Variants in APPL2 observed in about 807,000 individuals in gnomAD.
APPL2 encodes the protein adaptor protein, phosphotyrosine interacting with PH domain and leucine zipper 2, also known as DCC-interacting protein 13-beta.
A neutral mutation model predicts 92.7 loss-of-function variants in APPL2; 84 were observed. The ratio of observed to expected loss-of-function variants is 0.91; its 90% CI spans 0.76 to 1.09. APPL2 has a LOEUF of 1.09. Among genes scored for constraint, APPL2 ranks in the 50% least tolerant of loss-of-function variants. The pLI is 0.00. For missense variants in APPL2, 736 were observed against 824.5 expected (o/e 0.89, Z 1.31); for synonymous variants, 291 against 291.0 (o/e 1.00, Z 0.00).
chr12:105,233,229 C>G, intron 1 of APPL2: 2 of 985,446 alleles, frequency 2.0e-6, no homozygotes, highest in South Asian at 4.7e-5. Flanking sequence ...GTGAACCAGT[C>G]AAGGGTAGTC....
At chr12:105,220,075 A>C (rs183982422) in intron 2 of APPL2, among the ~76,000 whole-genome samples, 1 of 152,354 alleles carries the variant, frequency 6.6e-6, no homozygotes, top group Admixed American at 6.5e-5. Context: ...TGAAGCACTG[A>C]GAGATTAAGC....
At chr12:105,177,137 T>C in intron 18 of APPL2, 89 bp downstream of exon 18, 1 of 1,597,342 alleles carries the variant, frequency 6.3e-7, no homozygotes, top group Non-Finnish European at 8.6e-7. Flanking sequence ...GGCAGATCTT[T>C]ATTAATAAAG....
intron 17 of APPL2, among the ~76,000 whole-genome samples, chr12:105,177,722 CTT>C (rs1419398396): frequency 2.0e-5 from 3 of 152,128 alleles, no homozygotes; most frequent in African/African-American, 7.2e-5. Context: ...TGACAAAACT[CTT>C]ATCAATTTGG....
chr12:105,176,301 G>GT (rs1885539729), intron 19 of APPL2: 3 of 551,288 alleles, frequency 5.4e-6, no homozygotes, highest in Non-Finnish European at 9.4e-6. Context: ...AATATTCCAG[G>GT]TAAGTGAAAC....
intron 4 of APPL2, among the ~76,000 whole-genome samples, chr12:105,213,905 GGCTGGGC>G (rs1452365009): frequency 6.6e-6 from 1 of 152,168 alleles, no homozygotes. Context: ...CCACACTTCT[GGCTGGGC>G]GTGGTGGCTC....
At chr12:105,217,557 T>C (rs1455000654) in intron 3 of APPL2, 109 bp downstream of exon 3, 9 of 1,078,820 alleles carry the variant, frequency 8.3e-6, no homozygotes, top group African/African-American at 1.6e-5. Flanking sequence ...AAAAAAACTA[T>C]GAAGAAAATG....
intron 1 of APPL2, among the ~76,000 whole-genome samples, chr12:105,232,782 AAAAAG>A: frequency 6.6e-6 from 1 of 151,610 alleles, no homozygotes; most frequent in Non-Finnish European, 1.5e-5. Context: ...AAAAAAAAAA[AAAAAG>A]AACCAAGTCT....
chr12:105,174,876 T>TGGGGGGGGGGGGGG (rs59473626), intron 20 of APPL2, among the ~76,000 whole-genome samples: 10 of 88,996 alleles, frequency 1.1e-4, no homozygotes, highest in African/African-American at 1.9e-4. Context: ...TTTTTTTTGG[T>TGGGGGGGGGGGGGG]GGGGGGGGGG....
intron 17 of APPL2, among the ~76,000 whole-genome samples, chr12:105,184,972 G>A (rs902542810): frequency 3.9e-5 from 6 of 152,214 alleles, no homozygotes; most frequent in Admixed American, 1.3e-4. Context: ...GAGGAATCTA[G>A]AGAGGCAGTC....
rs533538319 is a variant in APPL2, at chr12:105,209,158, C to T, written c.374-959G>A. Among the ~76,000 whole-genome samples, 3 of 152,090 alleles carry T rather than the reference C, an allele frequency of 2.0e-5. No homozygotes were observed. The East Asian group carries it at 5.8e-4, about 29-fold the overall frequency. The stretch of plus-strand genomic sequence containing the variant: ...TAAGTAGTTTCCTTAATATCTCTTG[C>T]GTTCTCTTCATTCAGATTATGTACT... On this transcript the variant is annotated intron_variant, in intron 5 of 20. Transcript: ENST00000258530.
At chr12:105,213,393 G>A (rs1889379399) in intron 4 of APPL2, among the ~76,000 whole-genome samples, 1 of 152,184 alleles carries the variant, frequency 6.6e-6, no homozygotes, top group Admixed American at 6.6e-5. Flanking sequence ...TATAGAAAAT[G>A]GGGACAACAG....
At chr12:105,199,599 G>T in intron 9 of APPL2, 68 bp from the exon 10 acceptor site, 1 of 1,525,688 alleles carries the variant, frequency 6.6e-7, no homozygotes, top group Non-Finnish European at 8.9e-7. Context: ...GAAGCCACTG[G>T]CAGCCATCAC....
chr12:105,225,153 T>TAA (rs36095091), intron 2 of APPL2, among the ~76,000 whole-genome samples: 13 of 143,696 alleles, frequency 9.0e-5, no homozygotes, highest in African/African-American at 7.7e-5. Context: ...CAAATTTACT[T>TAA]AAAAAAAAAA....
chr12:105,211,434 C>A, intron 4 of APPL2, 117 bp from the exon 5 acceptor site: 1 of 697,558 alleles, frequency 1.4e-6, no homozygotes. Context: ...CTCAGGCAGA[C>A]TTCCTCAGCA....
At chr12:105,176,285 A>G in intron 19 of APPL2, 2 of 554,716 alleles carry the variant, frequency 3.6e-6, no homozygotes. Context: ...TTTATGCCAC[A>G]CAAAAAATAT....
intron 17 of APPL2, among the ~76,000 whole-genome samples, chr12:105,184,422 G>C (rs575206369): frequency 3.3e-5 from 5 of 152,266 alleles, no homozygotes; most frequent in Admixed American, 6.5e-5. Flanking sequence ...CTTTGATGCT[G>C]GTGACCTTTG....
At position 105,229,175 on chromosome 12, in the gene APPL2, C is replaced by G. The variant is rs781732102; in HGVS notation, c.103G>C (p.Asp35His). Residue 35 changes from aspartate to histidine, a missense_variant, in exon 2 of 21, where the codon GAC (aspartate) becomes CAC (histidine). By Grantham distance (81) the Asp-to-His change is moderately conservative. Transcript: ENST00000258530. ...GCCTGGAGCAGCTGGTTGGTATAGT[C>G]TGTGAGGGTGCCAGCATCTTCTTCA... ...VFEEDAGTLT[D>H]YTNQLLQAMQ... 6.8e-6 allele frequency: 11 copies of G among 1,613,614 alleles called. No homozygotes were observed. In the Admixed American group the frequency reaches 1.0e-4, roughly 15 times the overall value.
chr12:105,230,163 G>C (rs1890818376), intron 1 of APPL2, among the ~76,000 whole-genome samples: 4 of 152,142 alleles, frequency 2.6e-5, no homozygotes, highest in Admixed American at 2.6e-4. Context: ...ACCAGCAGCA[G>C]CTCTGGACAT....
chr12:105,235,232 T>C (rs1304252623), intron 1 of APPL2: 1 of 152,202 alleles, frequency 6.6e-6, no homozygotes, highest in Non-Finnish European at 1.5e-5. Flanking sequence ...TGCTGAATTA[T>C]GAACTAATGT....
Sources: allele counts gnomAD v4.1 joint callset (sites outside exome capture counted in the v4.1 genomes callset), GRCh38; gene constraint gnomAD v4.1.1; transcripts MANE v1.5; gene names NCBI Gene and HGNC (gene_info 2026-07-23, HGNC 2026-07-21).